MMP26: variants seen among roughly 807,000 people sequenced by gnomAD.
MMP26 encodes the protein matrix metallopeptidase 26.
In MMP26, 33 loss-of-function variants were observed where a neutral mutation model predicts 31.0. The observed-to-expected ratio is 1.06, with a 90% confidence interval of 0.81 to 1.42. The LOEUF (loss-of-function observed/expected upper bound fraction) is 1.42, where lower values mean the gene tolerates loss of function less well. MMP26 is among the 40% of genes most tolerant of loss of function. The pLI is 0.00. For synonymous variants in MMP26, 122 were observed against 114.9 expected (o/e 1.06, Z -0.40); for missense variants, 347 against 316.1 (o/e 1.10, Z -0.74).
At chr11:4,759,241 A>C (rs1449936889) in intron 1 of MMP26, among the ~76,000 whole-genome samples, 1 of 152,194 alleles carries the variant, frequency 6.6e-6, no homozygotes, top group Admixed American at 6.5e-5. Flanking sequence ...AATGCTAATT[A>C]AAACAATTGT....
intron 2 of MMP26, chr11:4,832,832 G>A: frequency 5.7e-6 from 1 of 175,370 alleles, no homozygotes; most frequent in South Asian, 1.5e-4. Flanking sequence ...CCCATGGGGA[G>A]TGCCTCGAAG....
At chr11:4,706,848 A>G (rs940950860) in intron 1 of MMP26, among the ~76,000 whole-genome samples, 2 of 152,220 alleles carry the variant, frequency 1.3e-5, no homozygotes, top group Admixed American at 1.3e-4. Flanking sequence ...TACTTCACAT[A>G]TAAGTGGAAT....
intron 2 of MMP26, among the ~76,000 whole-genome samples, chr11:4,859,226 T>A (rs1001834242): frequency 6.6e-6 from 1 of 152,082 alleles, no homozygotes; most frequent in Non-Finnish European, 1.5e-5. Context: ...ACAAATGGGA[T>A]CTAATTAAAC....
intron 2 of MMP26, among the ~76,000 whole-genome samples, chr11:4,829,542 T>C (rs1849618540): frequency 6.6e-6 from 1 of 152,210 alleles, no homozygotes; most frequent in Non-Finnish European, 1.5e-5. Flanking sequence ...GTTACTGGGC[T>C]GAACAATTTC....
chr11:4,928,595 A>G (rs1247143049), intron 2 of MMP26, among the ~76,000 whole-genome samples: 1 of 152,164 alleles, frequency 6.6e-6, no homozygotes, highest in Non-Finnish European at 1.5e-5. Flanking sequence ...ATTGGAATTA[A>G]TTTATACTTG....
At chr11:4,776,602 G>C (rs1001312831) in intron 2 of MMP26, among the ~76,000 whole-genome samples, 2 of 152,140 alleles carry the variant, frequency 1.3e-5, no homozygotes, top group African/African-American at 4.8e-5. Flanking sequence ...AATCTCCAAA[G>C]TGTCAAGGGA....
intron 2 of MMP26, among the ~76,000 whole-genome samples, chr11:4,785,759 TA>T (rs1440120540): frequency 1.3e-5 from 2 of 152,190 alleles, no homozygotes; most frequent in Admixed American, 1.3e-4. Context: ...TAACTATAAT[TA>T]AGCACCAGAT....
At chr11:4,773,813 C>T (rs921959070) in intron 2 of MMP26, among the ~76,000 whole-genome samples, 1 of 152,014 alleles carries the variant, frequency 6.6e-6, no homozygotes, top group African/African-American at 2.4e-5. Flanking sequence ...TGACGGGCCC[C>T]AGTGTGTGTT....
chr11:4,786,270 C>T (rs749794203), intron 2 of MMP26, among the ~76,000 whole-genome samples: 17 of 152,096 alleles, frequency 1.1e-4, no homozygotes, highest in Non-Finnish European at 1.5e-4. Flanking sequence ...GTAGGAAGGA[C>T]AGTTATCTGC....
At chr11:4,789,330 T>C (rs1848989521) in intron 2 of MMP26, among the ~76,000 whole-genome samples, 1 of 152,120 alleles carries the variant, frequency 6.6e-6, no homozygotes, top group Non-Finnish European at 1.5e-5. Flanking sequence ...TGCCTCATTC[T>C]CTATTTCTAT....
At chr11:4,831,911 G>A (rs918963298) in intron 2 of MMP26, among the ~76,000 whole-genome samples, 6 of 152,072 alleles carry the variant, frequency 3.9e-5, no homozygotes, top group African/African-American at 1.4e-4. Flanking sequence ...ATAACACACA[G>A]GTTTTAAATG....
At chr11:4,787,679 T>C (rs1848967550) in intron 2 of MMP26, 1 of 152,240 alleles carries the variant, frequency 6.6e-6, no homozygotes, top group African/African-American at 2.4e-5. Flanking sequence ...CCTCAAACTC[T>C]TTCAAACAAA....
At chr11:4,759,111 C>CAAAAAAAAAAAAAAAAAAAAAAAA in intron 1 of MMP26, among the ~76,000 whole-genome samples, 1 of 43,206 alleles carries the variant, frequency 2.3e-5, no homozygotes, top group Non-Finnish European at 4.6e-5. Flanking sequence ...CATTCCATCT[C>CAAAAAAAAAAAAAAAAAAAAAAAA]AAAAAAAAAA....
In MMP26 at chr11:4,723,764, C is replaced by G; in HGVS notation, c.-217+18719C>G. On this transcript the variant is annotated intron_variant, in intron 1 of 7. Coordinates refer to ENST00000380390, the MANE Select transcript of MMP26 (RefSeq NM_021801.5). ...TTGATGTAGCTCTCGAACATGTTGT[C>G]CATGTTGCTCCGAGCTGTCTTCTGC... is the stretch of plus-strand genomic sequence containing the variant. 7 of 1,474,130 alleles carry G rather than the reference C, an allele frequency of 4.7e-6. No homozygotes were observed. The South Asian group carries it at 7.9e-5, about 17-fold the overall frequency. The allele number at this position is 1,474,130 out of a possible 1,614,324, so 91.3% of individuals were successfully genotyped here. A position where few individuals can be genotyped will look rare whatever the true frequency, so the allele number is the denominator to read the frequency against.
At chr11:4,894,724 A>T (rs10836927) in intron 2 of MMP26, among the ~76,000 whole-genome samples, 19,475 of 152,232 alleles carry the variant, frequency 0.13, 2,038 homozygotes, top group East Asian at 0.61. Context: ...AGAAGGTAAG[A>T]GACAGCTGGA....
chr11:4,775,107 A>T (rs138439401), intron 2 of MMP26, among the ~76,000 whole-genome samples: 1,802 of 152,174 alleles, frequency 0.012, 31 homozygotes, highest in African/African-American at 0.041. Context: ...TCTTGGCTAT[A>T]CAGGCTCTTT....
intron 2 of MMP26, chr11:4,945,229 T>C (rs1440491984): frequency 6.6e-6 from 1 of 151,956 alleles, no homozygotes; most frequent in Non-Finnish European, 1.5e-5. Context: ...ATGAGGAAAT[T>C]AAGCCAAAAT....
intron 2 of MMP26, among the ~76,000 whole-genome samples, chr11:4,981,487 C>G (rs1357829051): frequency 6.6e-6 from 1 of 151,924 alleles, no homozygotes; most frequent in Non-Finnish European, 1.5e-5. Context: ...GGTAAAAACA[C>G]AACATAAAAG....
intron 2 of MMP26, among the ~76,000 whole-genome samples, chr11:4,879,243 G>A (rs923100130): frequency 9.2e-5 from 14 of 152,050 alleles, no homozygotes; most frequent in Non-Finnish European, 1.9e-4. Context: ...CAAGACAGGG[G>A]AAAGTACAAA....
Sources: gnomAD v4.1 joint callset for allele counts (sites outside exome capture counted in the v4.1 genomes callset) on GRCh38, gnomAD v4.1.1 for gene constraint, MANE v1.5 for transcripts, NCBI Gene and HGNC (gene_info 2026-07-23, HGNC 2026-07-21) for gene names.